Variants in HLCS observed in about 807,000 individuals in gnomAD.
HLCS encodes the protein holocarboxylase synthetase, also known as biotin--protein ligase.
In HLCS, 53 loss-of-function variants were observed where a neutral mutation model predicts 75.0. The ratio of observed to expected loss-of-function variants is 0.71; its 90% confidence interval spans 0.57 to 0.89. The LOEUF (loss-of-function observed/expected upper bound fraction) is 0.89, where lower values mean the gene tolerates loss of function less well. Ranked by LOEUF, HLCS falls within the 40% of genes least tolerant of loss-of-function variation. The probability of loss-of-function intolerance (pLI) is 0.00; values close to 1 mark genes in which losing one functional copy is unlikely to be tolerated. For missense variants in HLCS, 966 were observed against 1,074.0 expected, an observed-to-expected ratio of 0.90 and a Z score of 1.41; for synonymous variants, 431 against 428.6, an observed-to-expected ratio of 1.01 and a Z score of -0.07.
intron 7 of HLCS, 70 bp downstream of exon 7, chr21:36,767,148 C>A: frequency 1.4e-6 from 2 of 1,462,848 alleles, no homozygotes; most frequent in South Asian, 2.3e-5. Flanking sequence ...ATTCAATGGG[C>A]TCCTGGGCCA....
rs200824506 is a variant in HLCS at position 36,804,469 on chromosome 21, G to GC, written c.1893-37185dup. Among the ~76,000 whole-genome samples the GC allele has an allele frequency of 4.9e-3, 751 of 152,292 alleles. 17 individuals are homozygous for GC. Among genetic ancestry groups the GC allele is most frequent in the Middle Eastern group, 0.048 (14 of 294 alleles). On this transcript the variant is annotated intron_variant, in intron 6 of 10. Transcript: ENST00000674895. ...TTCTCCAGAGGACACTGAAGAGGCT[G>GC]CTCAAGAACCCTACAGCAGGTTGTC...
At chr21:36,886,432 C>CAAAAAAAAAAAAAAAAAAAAAAAAAA (rs11297170) in intron 6 of HLCS, among the ~76,000 whole-genome samples, 2 of 66,926 alleles carry the variant, frequency 3.0e-5, no homozygotes, top group African/African-American at 6.0e-5. Flanking sequence ...GACTCCATCT[C>CAAAAAAAAAAAAAAAAAAAAAAAAAA]AAAAAAAAAA....
intron 5 of HLCS, among the ~76,000 whole-genome samples, chr21:36,923,335 T>C (rs2066258159): frequency 6.6e-6 from 1 of 152,008 alleles, no homozygotes; most frequent in Non-Finnish European, 1.5e-5. Context: ...TTTTTTTTAT[T>C]CCAAAAGAGG....
chr21:36,876,481 G>A (rs191702160), intron 6 of HLCS, among the ~76,000 whole-genome samples: 85 of 152,244 alleles, frequency 5.6e-4, no homozygotes, highest in Admixed American at 1.4e-3. Context: ...AAAACAGTTC[G>A]TACTTTCCCT....
intron 6 of HLCS, among the ~76,000 whole-genome samples, chr21:36,769,761 C>T (rs78648145): frequency 0.014 from 2,112 of 152,334 alleles, 34 homozygotes; most frequent in Middle Eastern, 0.054. Context: ...CCAGTAGCCA[C>T]GGAGGCTCTG....
At chr21:36,931,768 G>A (rs2066655873) in intron 4 of HLCS, among the ~76,000 whole-genome samples, 1 of 151,824 alleles carries the variant, frequency 6.6e-6, no homozygotes, top group South Asian at 2.1e-4. Context: ...AAAAGAGAGA[G>A]AGAGTTTGCA....
intron 6 of HLCS, among the ~76,000 whole-genome samples, chr21:36,768,137 C>A (rs913617592): frequency 6.6e-6 from 1 of 152,206 alleles, no homozygotes; most frequent in East Asian, 1.9e-4. Flanking sequence ...AGGCGCGGTT[C>A]GAGGTAGGAT....
At chr21:36,766,622 G>A (rs1229809469) in intron 7 of HLCS, among the ~76,000 whole-genome samples, 1 of 152,218 alleles carries the variant, frequency 6.6e-6, no homozygotes, top group Non-Finnish European at 1.5e-5. Context: ...GGAGCAGGGA[G>A]GGGCCAAGCC....
intron 5 of HLCS, among the ~76,000 whole-genome samples, chr21:36,921,700 G>A (rs576595908): frequency 1.4e-4 from 22 of 152,182 alleles, no homozygotes; most frequent in Non-Finnish European, 2.4e-4. Flanking sequence ...CCTCGGAGGC[G>A]CAGCAGCACA....
intron 6 of HLCS, among the ~76,000 whole-genome samples, chr21:36,839,878 G>A (rs1010296307): frequency 2.6e-5 from 4 of 152,176 alleles, no homozygotes; most frequent in Admixed American, 1.3e-4. Flanking sequence ...AAATTCTAAC[G>A]TTAACATTTA....
At chr21:36,804,628 T>G (rs2061311353) in intron 6 of HLCS, among the ~76,000 whole-genome samples, 1 of 152,132 alleles carries the variant, frequency 6.6e-6, no homozygotes, top group South Asian at 2.1e-4. Context: ...CTCCTATCCC[T>G]TCCTCCTCCT....
chr21:36,946,671 G>C (rs2067412833), intron 2 of HLCS, among the ~76,000 whole-genome samples: 1 of 151,970 alleles, frequency 6.6e-6, no homozygotes, highest in South Asian at 2.1e-4. Flanking sequence ...GAGGGGAAAA[G>C]AATAAACGCA....
At position 36,972,583 on chromosome 21, in the gene HLCS, C is replaced by G. The variant is rs544924729; in HGVS notation, c.-392-10413G>C. 3.3e-5 allele frequency among the ~76,000 whole-genome samples: 5 copies of G among 152,270 alleles called. No individual in the cohort carries two copies. In the South Asian group the frequency reaches 1.0e-3, roughly 32 times the overall value. ...TCAGTTAACTAGGACAGTAACTGTACAGTATCCATCTCCTAATCCAGTAAA... is the reference window on the plus strand; with the variant it reads ...TCAGTTAACTAGGACAGTAACTGTAGAGTATCCATCTCCTAATCCAGTAAA... On this transcript the variant is annotated intron_variant, in intron 1 of 11. Transcript: ENST00000336648.
chr21:36,923,944 A>C (rs117549354), intron 5 of HLCS, among the ~76,000 whole-genome samples: 51 of 152,318 alleles, frequency 3.3e-4, no homozygotes, highest in Non-Finnish European at 6.2e-4. Flanking sequence ...TAGCTATAAA[A>C]GCTTTTAAAT....
intron 6 of HLCS, among the ~76,000 whole-genome samples, chr21:36,794,369 C>T (rs938351579): frequency 1.3e-4 from 20 of 152,230 alleles, no homozygotes; most frequent in African/African-American, 4.3e-4. Context: ...CTGAAGGCTG[C>T]TGCAATAAGG....
chr21:36,776,042 T>G (rs916373092), intron 6 of HLCS, among the ~76,000 whole-genome samples: 3 of 152,220 alleles, frequency 2.0e-5, no homozygotes, highest in African/African-American at 7.2e-5. Flanking sequence ...ACCACTGCTA[T>G]AAAGCCACAT....
intron 6 of HLCS, among the ~76,000 whole-genome samples, chr21:36,887,168 G>T (rs1569147317): frequency 6.6e-6 from 1 of 150,878 alleles, no homozygotes; most frequent in Non-Finnish European, 1.5e-5. Flanking sequence ...CAATCTAGAA[G>T]ATAATTTGAC....
At position 36,938,852 on chromosome 21, in the gene HLCS, A is replaced by G; in HGVS notation, c.473T>C (p.Leu158Pro). Residue 158 changes from leucine to proline, a missense_variant, in exon 3 of 11, where the codon CTG becomes CCG. Transcript: ENST00000674895. Reference protein sequence around the residue: ...MEDRLHMDNGLVPQKIVSVHL... With the variant: ...MEDRLHMDNGPVPQKIVSVHL... Reference sequence around the variant, plus strand: ...CTTACACACAATCTTTTGGGGTACCAGTCCATTATCCATGTGGAGTCTATC... The same window carrying G: ...CTTACACACAATCTTTTGGGGTACCGGTCCATTATCCATGTGGAGTCTATC... 6.2e-7 allele frequency: 1 copy of G among 1,614,144 alleles called. No homozygotes were observed. The highest frequency in any genetic ancestry group is 8.5e-7 in the Non-Finnish European group (1 of 1,180,038).
intron 6 of HLCS, among the ~76,000 whole-genome samples, chr21:36,799,677 G>A (rs1282126945): frequency 6.6e-6 from 1 of 152,136 alleles, no homozygotes; most frequent in African/African-American, 2.4e-5. Context: ...ACATACTTTC[G>A]TCGGCCTGTG....
Sources: allele counts gnomAD v4.1 joint callset (sites outside exome capture counted in the v4.1 genomes callset), GRCh38; gene constraint gnomAD v4.1.1; transcripts MANE v1.5; gene names NCBI Gene and HGNC (gene_info 2026-07-23, HGNC 2026-07-21).